RPS6KC1: variants seen among roughly 807,000 people sequenced by gnomAD.
RPS6KC1 encodes ribosomal protein S6 kinase C1, also known as inactive ribosomal protein S6 kinase delta-1.
A neutral mutation model predicts 103.8 loss-of-function variants in RPS6KC1; 54 were observed. The ratio of observed to expected loss-of-function variants is 0.52; its 90% CI spans 0.42 to 0.65. The LOEUF (loss-of-function observed/expected upper bound fraction) is 0.65, where lower values mean the gene tolerates loss of function less well. Among genes scored for constraint, RPS6KC1 ranks in the 30% least tolerant of loss-of-function variants. RPS6KC1 has a pLI of 0.00. For missense variants in RPS6KC1, 1,151 were observed against 1,253.8 expected (o/e 0.92, Z 1.24); for synonymous variants, 439 against 438.7 (o/e 1.00, Z -0.01).
the RPS6KC1 span, among the ~76,000 whole-genome samples, chr1:213,436,981 A>G: frequency 6.6e-6 from 1 of 152,032 alleles, no homozygotes; most frequent in East Asian, 1.9e-4. Context: ...AAATCTGTAG[A>G]CTGTTTATAT....
intron 4 of RPS6KC1, among the ~76,000 whole-genome samples, chr1:213,107,115 T>C (rs919577259): frequency 2.6e-5 from 4 of 152,116 alleles, no homozygotes; most frequent in Non-Finnish European, 5.9e-5. Flanking sequence ...CAAATTTTTG[T>C]ATTTTTAGTA....
At chr1:213,534,781 T>C in the RPS6KC1 span, among the ~76,000 whole-genome samples, 1 of 152,256 alleles carries the variant, frequency 6.6e-6, no homozygotes, top group African/African-American at 2.4e-5. Context: ...TTCACTGTCC[T>C]TAAGAAGCTC....
intron 8 of RPS6KC1, 163 bp downstream of exon 8, chr1:213,176,655 C>T (rs1354494064): frequency 2.8e-5 from 13 of 457,074 alleles, no homozygotes; most frequent in Admixed American, 1.6e-4. Flanking sequence ...AAGCTTTTAT[C>T]TGAGCAATTC....
chr1:213,609,438 A>G, the RPS6KC1 span, among the ~76,000 whole-genome samples: 9 of 152,086 alleles, frequency 5.9e-5, no homozygotes, highest in South Asian at 6.2e-4. Context: ...ACTCAGTCCC[A>G]TGTACCAGCT....
rs574805047 is a variant in RPS6KC1 at position 213,222,227 on chromosome 1, G to T, written c.1045-8270G>T. On this transcript the variant is annotated intron_variant, in intron 8 of 14. Transcript: ENST00000366960. ...CTATGTGGGAAGTTCTAGCACAAAT[G>T]AAACATTGGTAAGGCTCCAAAGGAT... 2.6e-5 allele frequency among the ~76,000 whole-genome samples: 4 copies of T among 152,296 alleles called. No individual in the cohort carries two copies. In the South Asian group the frequency reaches 8.3e-4, roughly 32 times the overall value.
chr1:213,504,011 A>G, the RPS6KC1 span, among the ~76,000 whole-genome samples: 1 of 152,230 alleles, frequency 6.6e-6, no homozygotes, highest in Non-Finnish European at 1.5e-5. Context: ...AGGGGAATAC[A>G]TAAATACATC....
At chr1:213,329,848 A>G in the RPS6KC1 span, among the ~76,000 whole-genome samples, 1 of 150,294 alleles carries the variant, frequency 6.7e-6, no homozygotes, top group African/African-American at 2.4e-5. Context: ...AACCCCTCCC[A>G]GTCACACAGG....
At chr1:213,290,144 C>CAAAA in the RPS6KC1 span, among the ~76,000 whole-genome samples, 75 of 69,880 alleles carry the variant, frequency 1.1e-3, no homozygotes, top group Middle Eastern at 0.011. Flanking sequence ...GACTCCGTCT[C>CAAAA]AAAAAAAAAA....
chr1:213,144,554 C>A (rs1209184593), intron 6 of RPS6KC1, among the ~76,000 whole-genome samples: 1 of 152,006 alleles, frequency 6.6e-6, no homozygotes, highest in African/African-American at 2.4e-5. Flanking sequence ...CACCTGGCCC[C>A]CTTTCTTGAC....
chr1:213,068,873 A>ATGTGTGTGTGTG (rs60259563), intron 1 of RPS6KC1, among the ~76,000 whole-genome samples: 15 of 127,372 alleles, frequency 1.2e-4, no homozygotes, highest in Admixed American at 6.8e-4. Flanking sequence ...AAGTGTATAT[A>ATGTGTGTGTGTG]TGTGTGTGTG....
At chr1:213,547,506 C>T in the RPS6KC1 span, among the ~76,000 whole-genome samples, 2 of 152,126 alleles carry the variant, frequency 1.3e-5, no homozygotes, top group Admixed American at 6.5e-5. Flanking sequence ...CAAAAAGAAC[C>T]GCTTCTATAG....
the RPS6KC1 span, among the ~76,000 whole-genome samples, chr1:213,699,029 A>G: frequency 2.6e-5 from 4 of 152,220 alleles, no homozygotes; most frequent in African/African-American, 9.6e-5. Flanking sequence ...ATTACCCTTA[A>G]CCATTTATCC....
At chr1:213,385,965 T>C in the RPS6KC1 span, among the ~76,000 whole-genome samples, 1 of 152,212 alleles carries the variant, frequency 6.6e-6, no homozygotes, top group African/African-American at 2.4e-5. Context: ...TCTGTGTGTC[T>C]CAGTGCTGTA....
the RPS6KC1 span, among the ~76,000 whole-genome samples, chr1:213,801,840 G>A: frequency 2.0e-5 from 3 of 152,150 alleles, no homozygotes; most frequent in African/African-American, 4.8e-5. Context: ...TGACATTCAC[G>A]GTCAGGAATA....
the RPS6KC1 span, among the ~76,000 whole-genome samples, chr1:213,513,654 C>A: frequency 6.6e-6 from 1 of 152,198 alleles, no homozygotes. Context: ...CAAACACAAA[C>A]CCCAAACTTA....
At chr1:213,580,918 G>T in the RPS6KC1 span, among the ~76,000 whole-genome samples, 1 of 151,960 alleles carries the variant, frequency 6.6e-6, no homozygotes, top group South Asian at 2.1e-4. Context: ...GATTTTCTTT[G>T]TTGCAATTTG....
the RPS6KC1 span, among the ~76,000 whole-genome samples, chr1:213,330,123 A>G: frequency 3.5e-3 from 527 of 152,324 alleles, 8 homozygotes; most frequent in African/African-American, 0.011. Flanking sequence ...AACTTTAAAC[A>G]GCTCAAAGAA....
the RPS6KC1 span, among the ~76,000 whole-genome samples, chr1:213,640,601 G>GTGTT: frequency 2.6e-5 from 4 of 151,540 alleles, no homozygotes; most frequent in African/African-American, 9.7e-5. Context: ...TTCATGTGTT[G>GTGTT]TGTTTGCCTT....
chr1:213,383,731 C>T, the RPS6KC1 span, among the ~76,000 whole-genome samples: 1,337 of 151,628 alleles, frequency 8.8e-3, 24 homozygotes, highest in African/African-American at 0.03. Flanking sequence ...GAACACTCCT[C>T]CCCACCCCCA....
Sources: gnomAD v4.1 joint callset for allele counts (sites outside exome capture counted in the v4.1 genomes callset) on GRCh38, gnomAD v4.1.1 for gene constraint, MANE v1.5 for transcripts, NCBI Gene and HGNC (gene_info 2026-07-23, HGNC 2026-07-21) for gene names.